The following OCA2 variants were observed in gnomAD, a reference collection of about 807,000 sequenced individuals.
OCA2 encodes P protein.
In OCA2, 77 loss-of-function variants were observed where a neutral mutation model predicts 100.2. That is an observed-to-expected ratio of 0.77 (90% CI 0.64 to 0.93). OCA2 has a LOEUF of 0.93. Ranked by LOEUF, OCA2 falls within the 40% of genes least tolerant of loss-of-function variation. OCA2 has a pLI of 0.00. For synonymous variants in OCA2, 432 were observed against 439.2 expected (o/e 0.98, Z 0.21); for missense variants, 1,062 against 1,089.1 (o/e 0.98, Z 0.35).
At chr15:28,050,130 T>C (rs1457912648) in intron 2 of OCA2, among the ~76,000 whole-genome samples, 2 of 151,624 alleles carry the variant, frequency 1.3e-5, no homozygotes, top group African/African-American at 4.9e-5. Context: ...AAAAAAATGT[T>C]AAAAGTTAGC....
At chr15:27,773,934 T>C (rs938630155) in intron 23 of OCA2, among the ~76,000 whole-genome samples, 2 of 152,234 alleles carry the variant, frequency 1.3e-5, no homozygotes. Context: ...GTAATTAAAA[T>C]TGCTGACAGG....
chr15:27,916,180 C>T (rs1034600232), intron 19 of OCA2, among the ~76,000 whole-genome samples: 3 of 152,098 alleles, frequency 2.0e-5, no homozygotes, highest in Admixed American at 6.6e-5. Context: ...ACCATAGACA[C>T]TGGAGTCTAC....
rs1193608309 is a variant in OCA2 at position 27,913,890 on chromosome 15, AGAAAGCAAGC to A, written c.2079+12227_2079+12236del. Among the ~76,000 whole-genome samples, 165 of 51,998 alleles carry A rather than the reference AGAAAGCAAGC, an allele frequency of 3.2e-3. 2 individuals carry two copies. The highest frequency in any genetic ancestry group is 0.026 in the Middle Eastern group (2 of 78). 34.1% of individuals were successfully genotyped at this position (51,998 alleles called of 152,430 possible). A position where few individuals can be genotyped will look rare whatever the true frequency, so the allele number is the denominator to read the frequency against. On this transcript the variant is annotated intron_variant, in intron 19 of 23. Transcript: ENST00000354638. ...AAGAAAGAAAGAAAGAAAGAAAGAA[AGAAAGCAAGC>A]AAGCAAGCAAGCAAGCAAGCAAGCA...
chr15:27,815,319 C>G (rs2034256281), intron 23 of OCA2, among the ~76,000 whole-genome samples: 1 of 152,172 alleles, frequency 6.6e-6, no homozygotes, highest in South Asian at 2.1e-4. Flanking sequence ...CTCTTGGTGC[C>G]TGTGCCCAGA....
chr15:27,761,558 A>T (rs754561196), intron 23 of OCA2, among the ~76,000 whole-genome samples: 1 of 152,138 alleles, frequency 6.6e-6, no homozygotes, highest in Non-Finnish European at 1.5e-5. Context: ...ATTTGCCCCA[A>T]ATTGATTCTA....
rs139758167 is a variant in OCA2 at position 27,942,747 on chromosome 15, T to C, written c.1951+9037A>G. Among the ~76,000 whole-genome samples the C allele has an allele frequency of 1.8e-3, 276 of 152,346 alleles. 3 individuals are homozygous for C. Among genetic ancestry groups the C allele is most frequent in the African/African-American group, 6.3e-3 (262 of 41,576 alleles). ...CATTTCTTCAGTGTTATGATGAAAT[T>C]TGGTAATTCTACCCACGGTGAGGAT... On this transcript the variant is annotated intron_variant, in intron 18 of 23. Transcript: ENST00000354638.
intron 1 of OCA2, among the ~76,000 whole-genome samples, chr15:28,090,754 A>G (rs2044856976): frequency 1.3e-5 from 2 of 152,192 alleles, no homozygotes; most frequent in Non-Finnish European, 2.9e-5. Context: ...TCTCAAAAAT[A>G]ATATAAGCTC....
intron 23 of OCA2, among the ~76,000 whole-genome samples, chr15:27,838,256 A>C (rs919848993): frequency 2.0e-5 from 3 of 152,204 alleles, no homozygotes; most frequent in Non-Finnish European, 4.4e-5. Context: ...ATGAAGACTA[A>C]AATGAAAAGC....
intron 4 of OCA2, among the ~76,000 whole-genome samples, chr15:28,025,978 A>T (rs1254593758): frequency 2.0e-5 from 3 of 152,224 alleles, no homozygotes; most frequent in African/African-American, 7.2e-5. Context: ...ACGCTTCCCA[A>T]TTACGATTCA....
chr15:27,896,584 C>A (rs565210615), intron 19 of OCA2: 3 of 289,944 alleles, frequency 1.0e-5, no homozygotes, highest in South Asian at 5.7e-5. Flanking sequence ...GAGAGCTAAA[C>A]CAAACAATTT....
chr15:27,745,439 C>T, the OCA2 span, among the ~76,000 whole-genome samples: 1 of 152,240 alleles, frequency 6.6e-6, no homozygotes, highest in African/African-American at 2.4e-5. Context: ...AAGTCTGGAT[C>T]TGTTTAGTAA....
intron 22 of OCA2, among the ~76,000 whole-genome samples, chr15:27,849,887 A>T (rs2035683423): frequency 6.6e-6 from 1 of 152,154 alleles, no homozygotes; most frequent in South Asian, 2.1e-4. Flanking sequence ...GCCTTGAGAG[A>T]ATAAGTGTAG....
chr15:28,080,560 T>C (rs2044587504), intron 2 of OCA2, among the ~76,000 whole-genome samples: 1 of 152,194 alleles, frequency 6.6e-6, no homozygotes, highest in African/African-American at 2.4e-5. Flanking sequence ...AATAGAAACA[T>C]TCAGTGAAAG....
chr15:27,967,254 C>T (rs955746027), intron 14 of OCA2, among the ~76,000 whole-genome samples: 1 of 152,198 alleles, frequency 6.6e-6, no homozygotes. Context: ...GTTCCAGGAC[C>T]TTAGGCAGAG....
chr15:28,052,645 A>T (rs1471956295), intron 2 of OCA2, among the ~76,000 whole-genome samples: 2 of 152,274 alleles, frequency 1.3e-5, no homozygotes, highest in African/African-American at 4.8e-5. Context: ...CTGTGAATAG[A>T]TGCAAAGCAA....
intron 1 of OCA2, among the ~76,000 whole-genome samples, chr15:28,089,367 G>A (rs1182600099): frequency 6.6e-6 from 1 of 152,178 alleles, no homozygotes; most frequent in East Asian, 1.9e-4. Flanking sequence ...GTATTGACTG[G>A]GGAAGTGATA....
intron 23 of OCA2, among the ~76,000 whole-genome samples, chr15:27,824,212 A>G (rs2034612478): frequency 6.6e-6 from 1 of 152,118 alleles, no homozygotes; most frequent in African/African-American, 2.4e-5. Context: ...TACTAAAAAT[A>G]CAAAAATTAG....
intron 23 of OCA2, among the ~76,000 whole-genome samples, chr15:27,811,142 G>A (rs2034059760): frequency 6.6e-6 from 1 of 152,058 alleles, no homozygotes; most frequent in Admixed American, 6.5e-5. Context: ...ACCACTGAGT[G>A]GATAAAGAAA....
chr15:27,932,568 T>TC (rs969279536), intron 18 of OCA2, among the ~76,000 whole-genome samples: 1 of 152,142 alleles, frequency 6.6e-6, no homozygotes, highest in Non-Finnish European at 1.5e-5. Flanking sequence ...ACTGGAGAAT[T>TC]CCCAAAACTT....
Sources: gnomAD v4.1 joint callset for allele counts (sites outside exome capture counted in the v4.1 genomes callset) on GRCh38, gnomAD v4.1.1 for gene constraint, MANE v1.5 for transcripts, NCBI Gene and HGNC (gene_info 2026-07-23, HGNC 2026-07-21) for gene names.